The following CELF2 variants were observed in gnomAD, a reference collection of about 807,000 sequenced individuals.
CELF2 encodes CUG triplet repeat RNA-binding protein 2.
CELF2 carries 8 observed loss-of-function variants against 62.6 expected under a neutral mutation model. That is an observed-to-expected ratio of 0.13 (90% confidence interval 0.07 to 0.23). The LOEUF is 0.23. Among genes scored for constraint, CELF2 ranks in the 10% least tolerant of loss-of-function variants. The pLI is 1.00. For synonymous variants in CELF2, 258 were observed against 250.0 expected (o/e 1.03, Z -0.30); for missense variants, 333 against 671.0 (o/e 0.50, Z 5.56).
At chr10:10,981,950 C>CTTTT (rs34134637) in intron 2 of CELF2, among the ~76,000 whole-genome samples, 58 of 125,354 alleles carry the variant, frequency 4.6e-4, no homozygotes, top group African/African-American at 6.3e-4. Context: ...CTTCCTTTTC[C>CTTTT]TTTTTTTTTT....
intron 1 of CELF2, among the ~76,000 whole-genome samples, chr10:10,810,108 A>G (rs766741266): frequency 6.6e-6 from 1 of 152,252 alleles, no homozygotes; most frequent in East Asian, 1.9e-4. Flanking sequence ...TGTCAATGCC[A>G]TCTGGAGGGA....
the CELF2 span, among the ~76,000 whole-genome samples, chr10:10,782,659 G>T: frequency 6.6e-6 from 1 of 152,210 alleles, no homozygotes. Context: ...CTCACCAAGT[G>T]GTAGCACTGT....
rs2075101871 is a variant in CELF2, at chr10:11,244,746, G to C, written c.355-4407G>C. Among the ~76,000 whole-genome samples, 1 of 151,868 alleles carries C rather than the reference G, an allele frequency of 6.6e-6. No individual in the cohort carries two copies. The highest frequency in any genetic ancestry group is 1.5e-5 in the Non-Finnish European group (1 of 67,998). On this transcript the variant is annotated intron_variant, in intron 3 of 12. Transcript: ENST00000633077. This position sits in a 1 kb window ranked among gnomAD's most constrained non-coding sequence, Gnocchi z 4.2. ...ATCGTATCATTGTTCTTGATCAACA[G>C]TAGGGCCTATTTTCTCTTATTCTGT... is the stretch of plus-strand genomic sequence containing the variant.
the CELF2 span, among the ~76,000 whole-genome samples, chr10:10,744,492 T>A: frequency 6.6e-6 from 1 of 152,210 alleles, no homozygotes; most frequent in African/African-American, 2.4e-5. Flanking sequence ...ATAAGTTGGA[T>A]CCAGTGCTGG....
At position 10,983,140 on chromosome 10, in the gene CELF2, T is replaced by G. The variant is rs1177595239; in HGVS notation, c.89+63141T>G. On this transcript the variant is annotated intron_variant, in intron 2 of 13. Transcript: ENST00000636488. This position sits in a 1 kb window ranked among gnomAD's most constrained non-coding sequence, Gnocchi z 5.2. The stretch of plus-strand genomic sequence containing the variant: ...TAATTTAAGCTCTTTTTTCATTATT[T>G]TTTTTTCAATTTTTCAGAAGGCAAG... Among the ~76,000 whole-genome samples the G allele has an allele frequency of 1.3e-5, 2 of 152,184 alleles. No homozygotes were observed. The highest frequency in any genetic ancestry group is 4.8e-5 in the African/African-American group (2 of 41,446).
chr10:11,090,958 G>GT (rs1215880271), intron 1 of CELF2, among the ~76,000 whole-genome samples: 3 of 152,062 alleles, frequency 2.0e-5, no homozygotes, highest in African/African-American at 4.8e-5. Context: ...TTATTCTTCC[G>GT]TTTTTTAAAA....
intron 1 of CELF2, among the ~76,000 whole-genome samples, chr10:11,114,051 C>A (rs901026581): frequency 1.1e-4 from 17 of 152,108 alleles, no homozygotes; most frequent in African/African-American, 3.9e-4. Flanking sequence ...CATAACAAAT[C>A]CAATTCTGGG....
chr10:10,585,197 G>A, the CELF2 span, among the ~76,000 whole-genome samples: 69 of 152,164 alleles, frequency 4.5e-4, no homozygotes, highest in Middle Eastern at 3.4e-3. Flanking sequence ...AGAGGTGGAG[G>A]GTTAGAGAAT....
At chr10:10,949,826 CAAAAAA>C (rs35952853) in intron 2 of CELF2, among the ~76,000 whole-genome samples, 4 of 82,236 alleles carry the variant, frequency 4.9e-5, no homozygotes, top group African/African-American at 1.7e-4. Flanking sequence ...ACACACACAC[CAAAAAA>C]AAAAAAAAAA....
chr10:10,707,423 A>G, the CELF2 span, among the ~76,000 whole-genome samples: 2 of 152,172 alleles, frequency 1.3e-5, no homozygotes, highest in Non-Finnish European at 2.9e-5. Flanking sequence ...AATGAAGTAA[A>G]TGTCAGGTCA....
chr10:11,284,443 G>C (rs2090399033), intron 8 of CELF2, among the ~76,000 whole-genome samples: 1 of 151,806 alleles, frequency 6.6e-6, no homozygotes, highest in Admixed American at 6.6e-5. Context: ...GGATGAGTGT[G>C]TGGTGGGTGG....
intron 2 of CELF2, among the ~76,000 whole-genome samples, chr10:10,964,941 A>T (rs1039193875): frequency 6.6e-6 from 1 of 152,146 alleles, no homozygotes; most frequent in Non-Finnish European, 1.5e-5. Context: ...ACATGAAAAA[A>T]ACTCTTAGCC....
At chr10:10,748,306 C>G in the CELF2 span, among the ~76,000 whole-genome samples, 13 of 152,064 alleles carry the variant, frequency 8.5e-5, no homozygotes, top group Non-Finnish European at 1.3e-4. Flanking sequence ...GATCGTTGCA[C>G]GGTCTATGCG....
At chr10:11,197,025 A>AGAGAGAGAGAGAG (rs1554936317) in intron 2 of CELF2, among the ~76,000 whole-genome samples, 1 of 26,132 alleles carries the variant, frequency 3.8e-5, no homozygotes, top group African/African-American at 1.8e-4. Context: ...AGAAAGAAAG[A>AGAGAGAGAGAGAG]AAAGAAAGAA....
At chr10:10,696,124 C>T in the CELF2 span, among the ~76,000 whole-genome samples, 1 of 152,088 alleles carries the variant, frequency 6.6e-6, no homozygotes, top group Non-Finnish European at 1.5e-5. Context: ...TGTTTTTTCC[C>T]CATCTTTGTG....
intron 3 of CELF2, among the ~76,000 whole-genome samples, chr10:11,239,452 G>A (rs765798595): frequency 3.3e-5 from 5 of 152,088 alleles, no homozygotes; most frequent in Non-Finnish European, 5.9e-5. Flanking sequence ...TGTTCTCTTA[G>A]CTTTCAGATG....
At chr10:11,065,184 TC>T (rs2067766343) in intron 1 of CELF2, among the ~76,000 whole-genome samples, 3 of 152,322 alleles carry the variant, frequency 2.0e-5, no homozygotes, top group Middle Eastern at 3.4e-3. Flanking sequence ...GGTCAGTGTA[TC>T]TTGGGATTTT....
rs2074532909 is a variant in CELF2 at position 11,243,221 on chromosome 10, C to A, written c.355-5932C>A. ...CCGCGCTTGACTCTAGTTCCTTCTC[C>A]CCGGGAGGGAGAAAGGGAAGGAGCC... On this transcript the variant is annotated intron_variant, in intron 3 of 12. Coordinates refer to ENST00000633077, the MANE Select transcript of CELF2 (RefSeq NM_001326342.2). This position sits in a 1 kb window ranked among gnomAD's most constrained non-coding sequence, Gnocchi z 4.1. Among the ~76,000 whole-genome samples the A allele has an allele frequency of 6.6e-6, 1 of 152,038 alleles. No homozygotes were observed. The highest frequency in any genetic ancestry group is 2.4e-5 in the African/African-American group (1 of 41,380).
chr10:11,021,794 T>C (rs1809980879), intron 1 of CELF2, among the ~76,000 whole-genome samples: 1 of 152,234 alleles, frequency 6.6e-6, no homozygotes, highest in Non-Finnish European at 1.5e-5. Flanking sequence ...AGAAGAACAC[T>C]GAATTAAAGG....
Sources: gnomAD v4.1 joint callset for allele counts (sites outside exome capture counted in the v4.1 genomes callset) on GRCh38, gnomAD v4.1.1 for gene constraint, Gnocchi (gnomAD v3.1) non-coding constraint, MANE v1.5 for transcripts, NCBI Gene and HGNC (gene_info 2026-07-23, HGNC 2026-07-21) for gene names.